Variants in LTBP1 observed in about 807,000 individuals in gnomAD.
The protein encoded by LTBP1 is latent transforming growth factor beta binding protein 1.
Under a neutral mutation model 207.6 loss-of-function variants are expected in LTBP1, and 129 were observed. That is an observed-to-expected ratio of 0.62 (90% CI 0.54 to 0.72). The LOEUF is 0.72. Ranked by LOEUF, LTBP1 falls within the 30% of genes least tolerant of loss-of-function variation. The pLI, the probability that LTBP1 is intolerant of heterozygous loss-of-function variation, is 0.00. For missense variants in LTBP1, 2,281 were observed against 2,217.2 expected, an observed-to-expected ratio of 1.03 and a Z score of -0.58; for synonymous variants, 963 against 833.7, an observed-to-expected ratio of 1.16 and a Z score of -2.67.
At chr2:32,975,712 A>G (rs1681665883) in intron 2 of LTBP1, among the ~76,000 whole-genome samples, 1 of 142,874 alleles carries the variant, frequency 7.0e-6, no homozygotes, top group Non-Finnish European at 1.5e-5. Flanking sequence ...TTGTTATGAT[A>G]TCGTGAAATT....
intron 18 of LTBP1, among the ~76,000 whole-genome samples, chr2:33,278,279 T>C (rs985069594): frequency 2.1e-4 from 32 of 152,330 alleles, no homozygotes; most frequent in African/African-American, 7.5e-4. Flanking sequence ...ATATTCAATA[T>C]ATGAAAATTA....
chr2:33,249,987 G>C (rs371769942), intron 10 of LTBP1, among the ~76,000 whole-genome samples: 4 of 152,132 alleles, frequency 2.6e-5, no homozygotes, highest in African/African-American at 9.7e-5. Context: ...AATAATAAAC[G>C]TAGTACACTA....
intron 3 of LTBP1, among the ~76,000 whole-genome samples, chr2:33,022,791 T>G (rs575632519): frequency 6.6e-6 from 1 of 152,338 alleles, no homozygotes; most frequent in South Asian, 2.1e-4. Context: ...AAAGCAGCCA[T>G]AGACAGTGTA....
intron 23 of LTBP1, among the ~76,000 whole-genome samples, chr2:33,311,037 T>A (rs2094178928): frequency 1.3e-5 from 2 of 152,048 alleles, no homozygotes; most frequent in Admixed American, 6.6e-5. Context: ...ATGATTTTTT[T>A]AAAATTCTGG....
rs532531049 is a variant in LTBP1, at chr2:33,204,251, A to T, written c.1702-13301A>T. Among the ~76,000 whole-genome samples the T allele has an allele frequency of 3.9e-5, 6 of 152,040 alleles. No individual in the cohort carries two copies. The South Asian group carries it at 1.0e-3, about 26-fold the overall frequency. On this transcript the variant is annotated intron_variant, in intron 7 of 33. Transcript: ENST00000404816. ...TCTCCTTTCTTAAATAAAATAATTT[A>T]TATATAGAATTGAATGTTCTATTTC... is the stretch of plus-strand genomic sequence containing the variant.
intron 2 of LTBP1, among the ~76,000 whole-genome samples, chr2:32,982,919 G>A (rs865825503): frequency 6.6e-5 from 10 of 152,240 alleles, no homozygotes; most frequent in African/African-American, 2.2e-4. Flanking sequence ...GAAGGGAAAT[G>A]TGGGGTTGGA....
chr2:33,309,657 T>A, intron 23 of LTBP1, 101 bp downstream of exon 23: 1 of 1,333,806 alleles, frequency 7.5e-7, no homozygotes, highest in Non-Finnish European at 1.0e-6. Flanking sequence ...GATTTATATG[T>A]AAATAATTTA....
Position 33,026,998 on chromosome 2 carries a change from C to G in LTBP1, c.863+5792C>G, listed in dbSNP as rs79179788. Among the ~76,000 whole-genome samples, 158 of 152,298 alleles carry G rather than the reference C, an allele frequency of 1.0e-3. 2 individuals carry two copies. The East Asian group carries it at 0.026, about 25-fold the overall frequency. On this transcript the variant is annotated intron_variant, in intron 3 of 33. Coordinates refer to ENST00000404816, the MANE Select transcript of LTBP1 (RefSeq NM_206943.4). Reference sequence around the variant, plus strand: ...TTCCAATGCCAGAGATCAGTTCTGCCTGTGTTTGAACTGTATGTAAATAAT... The same window carrying G: ...TTCCAATGCCAGAGATCAGTTCTGCGTGTGTTTGAACTGTATGTAAATAAT...
chr2:33,204,983 T>TG (rs2089719008), intron 7 of LTBP1, among the ~76,000 whole-genome samples: 1 of 152,226 alleles, frequency 6.6e-6, no homozygotes, highest in Admixed American at 6.5e-5. Flanking sequence ...TTCAAATAAT[T>TG]GGATTGGCTA....
intron 3 of LTBP1, among the ~76,000 whole-genome samples, chr2:33,050,837 G>A (rs1197754018): frequency 2.6e-5 from 4 of 151,784 alleles, no homozygotes; most frequent in African/African-American, 9.7e-5. Flanking sequence ...GGGTTCAAGC[G>A]ATTCTCCTGC....
intron 3 of LTBP1, among the ~76,000 whole-genome samples, chr2:33,081,150 T>C (rs1372268177): frequency 6.6e-6 from 1 of 152,076 alleles, no homozygotes; most frequent in Non-Finnish European, 1.5e-5. Flanking sequence ...TGTTCAGTTC[T>C]TCTTGGTGTC....
intron 20 of LTBP1, among the ~76,000 whole-genome samples, chr2:33,297,685 A>T (rs1413719843): frequency 1.3e-5 from 2 of 152,074 alleles, no homozygotes; most frequent in Non-Finnish European, 1.5e-5. Context: ...CGGCCTCCCA[A>T]AGTGCTGGTA....
At chr2:33,285,436 T>A in intron 19 of LTBP1, among the ~76,000 whole-genome samples, 1 of 146,662 alleles carries the variant, frequency 6.8e-6, no homozygotes. Context: ...CATTCTCTTT[T>A]CTTTCTTTCT....
chr2:33,125,560 C>T (rs143299882), intron 4 of LTBP1, among the ~76,000 whole-genome samples: 1 of 151,976 alleles, frequency 6.6e-6, no homozygotes, highest in African/African-American at 2.4e-5. Flanking sequence ...TGGCCGGGCA[C>T]GGTGGCTCAC....
chr2:33,277,799 C>CTTTCTTTCTTTCTTTCTT (rs1558933708), intron 18 of LTBP1, among the ~76,000 whole-genome samples: 7 of 47,468 alleles, frequency 1.5e-4, no homozygotes, highest in African/African-American at 5.5e-4. Context: ...CTTTCTTTCT[C>CTTTCTTTCTTTCTTTCTT]TCTCTCTTTC....
rs555768899 is a variant in LTBP1, at chr2:33,047,338, AACTT to A, written c.863+26137_863+26140del. ...GTCTTTGTTCTCATTGGTTTCAAAG[AACTT>A]ACTTCTTTCTGCCTTAATTTCGTTA... On this transcript the variant is annotated intron_variant, in intron 3 of 33. Coordinates refer to ENST00000404816, the MANE Select transcript of LTBP1 (RefSeq NM_206943.4). 1.1e-4 allele frequency among the ~76,000 whole-genome samples: 17 copies of A among 152,320 alleles called. No individual in the cohort carries two copies. In the South Asian group the frequency reaches 3.5e-3, roughly 32 times the overall value.
At chr2:33,301,005 G>T (rs1038902949) in intron 21 of LTBP1, among the ~76,000 whole-genome samples, 6 of 151,966 alleles carry the variant, frequency 3.9e-5, no homozygotes, top group African/African-American at 7.3e-5. Context: ...TAAAAAAATC[G>T]CTAAAGAAGA....
At chr2:33,246,000 A>C (rs939299197) in intron 10 of LTBP1, among the ~76,000 whole-genome samples, 51 of 152,240 alleles carry the variant, frequency 3.3e-4, no homozygotes, top group African/African-American at 1.2e-3. Context: ...AAACACTTGC[A>C]CATTTCCTTA....
chr2:33,169,026 C>T (rs917153854), intron 5 of LTBP1, among the ~76,000 whole-genome samples: 1 of 152,144 alleles, frequency 6.6e-6, no homozygotes, highest in Admixed American at 6.5e-5. Flanking sequence ...AAGTAATGAT[C>T]CATGGAGGGT....
Sources: allele counts gnomAD v4.1 joint callset (sites outside exome capture counted in the v4.1 genomes callset), GRCh38; gene constraint gnomAD v4.1.1; transcripts MANE v1.5; gene names NCBI Gene and HGNC (gene_info 2026-07-23, HGNC 2026-07-21).